The following CLIC5 variants were observed in gnomAD, a reference collection of about 807,000 sequenced individuals.
CLIC5 encodes the protein CLIC family member 5.
A neutral mutation model predicts 24.7 loss-of-function variants in CLIC5; 20 were observed. The observed-to-expected ratio is 0.81, with a 90% CI of 0.57 to 1.18. The LOEUF (loss-of-function observed/expected upper bound fraction) is 1.18, where lower values mean the gene tolerates loss of function less well. CLIC5 is among the 50% of genes most tolerant of loss of function. The pLI, the probability that CLIC5 is intolerant of heterozygous loss-of-function variation, is 0.00. For missense variants in CLIC5, 341 were observed against 326.1 expected (o/e 1.05, Z -0.35); for synonymous variants, 159 against 135.6 (o/e 1.17, Z -1.20).
intron 1 of CLIC5, among the ~76,000 whole-genome samples, chr6:45,962,264 C>T (rs1764871553): frequency 6.6e-6 from 1 of 151,462 alleles, no homozygotes; most frequent in South Asian, 2.1e-4. Context: ...GGAACTGGCT[C>T]ACACAGTTGT....
At chr6:46,010,029 C>A (rs373978980) in intron 1 of CLIC5, among the ~76,000 whole-genome samples, 43 of 152,190 alleles carry the variant, frequency 2.8e-4, no homozygotes, top group African/African-American at 9.4e-4. Context: ...CTTCAGTTGC[C>A]ATTGGTCTGC....
chr6:46,122,462 C>A, the CLIC5 span, among the ~76,000 whole-genome samples: 1 of 152,048 alleles, frequency 6.6e-6, no homozygotes, highest in African/African-American at 2.4e-5. Context: ...GCACTAAATG[C>A]CCACAACAGA....
intron 5 of CLIC5, among the ~76,000 whole-genome samples, chr6:45,903,938 T>C (rs926286551): frequency 4.6e-5 from 7 of 152,212 alleles, no homozygotes; most frequent in Admixed American, 1.3e-4. Flanking sequence ...GGAATGTATA[T>C]GTAGGTTTAG....
chr6:46,086,091 G>A, the CLIC5 span, among the ~76,000 whole-genome samples: 4 of 152,202 alleles, frequency 2.6e-5, no homozygotes, highest in African/African-American at 7.2e-5. Flanking sequence ...TTTTAAGCCC[G>A]TTGGAAAAGC....
At chr6:46,086,393 C>G in the CLIC5 span, among the ~76,000 whole-genome samples, 7 of 152,294 alleles carry the variant, frequency 4.6e-5, no homozygotes, top group East Asian at 1.2e-3. Flanking sequence ...CTTGGCTGCC[C>G]TTCGTGAATG....
At chr6:45,995,203 C>A (rs922551446) in intron 1 of CLIC5, among the ~76,000 whole-genome samples, 2 of 152,130 alleles carry the variant, frequency 1.3e-5, no homozygotes, top group African/African-American at 4.8e-5. Context: ...ACCATTAGTG[C>A]CTCAGTTTCC....
intron 1 of CLIC5, among the ~76,000 whole-genome samples, chr6:46,073,628 C>T (rs908556866): frequency 6.6e-6 from 1 of 152,210 alleles, no homozygotes; most frequent in African/African-American, 2.4e-5. Flanking sequence ...CTCCTCAGAA[C>T]ATTCTATTAC....
At position 45,901,431 on chromosome 6, in the gene CLIC5, G is replaced by A. The variant is rs563759944; in HGVS notation, c.*1657C>T. ...CTTCAGAGATCCCTGGAGGCAGGTA[G>A]GTCCAGGGATTGCTTGGGTTAGAAT... On this transcript the variant is annotated 3_prime_UTR_variant, in exon 6 of 6. Transcript: ENST00000339561. The A allele has an allele frequency of 4.8e-4, 73 of 152,262 alleles. No individual in the cohort carries two copies. Among genetic ancestry groups the A allele is most frequent in the Admixed American group, 4.2e-3 (65 of 15,300 alleles). The allele number at this position is 152,262 out of a possible 1,614,324, so 9.4% of individuals were successfully genotyped here. A position where few individuals can be genotyped will look rare whatever the true frequency, so the allele number is the denominator to read the frequency against.
chr6:45,947,793 C>T (rs1330448725), intron 3 of CLIC5, among the ~76,000 whole-genome samples: 1 of 152,006 alleles, frequency 6.6e-6, no homozygotes, highest in African/African-American at 2.4e-5. Flanking sequence ...TGGCTGGTGT[C>T]CTCTTCAGAG....
the CLIC5 span, among the ~76,000 whole-genome samples, chr6:46,091,392 C>T: frequency 2.0e-5 from 3 of 152,132 alleles, no homozygotes; most frequent in Non-Finnish European, 4.4e-5. Context: ...AACATAATGT[C>T]CTCCAGTTTC....
chr6:45,987,077 A>G (rs1194511631), intron 1 of CLIC5, among the ~76,000 whole-genome samples: 1 of 152,196 alleles, frequency 6.6e-6, no homozygotes, highest in African/African-American at 2.4e-5. Context: ...AGCCACTGGA[A>G]GATGCTGAGA....
At chr6:45,972,936 C>T (rs946749286) in intron 1 of CLIC5, among the ~76,000 whole-genome samples, 1 of 152,028 alleles carries the variant, frequency 6.6e-6, no homozygotes, top group African/African-American at 2.4e-5. Flanking sequence ...GTAATCTGGC[C>T]CTACTGGGTT....
At chr6:45,924,553 T>C (rs1242636047) in intron 4 of CLIC5, among the ~76,000 whole-genome samples, 1 of 152,198 alleles carries the variant, frequency 6.6e-6, no homozygotes, top group Non-Finnish European at 1.5e-5. Context: ...TTTATACTTC[T>C]GTTTCCTGAA....
chr6:45,888,811 T>C (rs577838299), intron 6 of CLIC5, among the ~76,000 whole-genome samples: 12 of 152,346 alleles, frequency 7.9e-5, no homozygotes, highest in African/African-American at 2.9e-4. Context: ...GATGAATTAT[T>C]ATATATTTGC....
intron 4 of CLIC5, among the ~76,000 whole-genome samples, chr6:45,933,486 G>T (rs1013154933): frequency 4.6e-5 from 7 of 152,236 alleles, no homozygotes; most frequent in African/African-American, 1.4e-4. Context: ...CTGATGAAGG[G>T]CAATGCAATC....
chr6:46,078,130 C>A (rs538273378), intron 1 of CLIC5, among the ~76,000 whole-genome samples: 1 of 152,184 alleles, frequency 6.6e-6, no homozygotes, highest in African/African-American at 2.4e-5. Flanking sequence ...GAGGTTGAGG[C>A]GGGTGGATCA....
At chr6:46,005,984 ATATATATATATATATT>A (rs1463342442) in intron 1 of CLIC5, among the ~76,000 whole-genome samples, 3 of 121,882 alleles carry the variant, frequency 2.5e-5, no homozygotes, top group Non-Finnish European at 3.4e-5. Context: ...ATGTGTGTAT[ATATATATATATATATT>A]TATATATATA....
intron 4 of CLIC5, among the ~76,000 whole-genome samples, chr6:45,919,369 A>C (rs942629477): frequency 1.3e-5 from 2 of 152,132 alleles, no homozygotes; most frequent in African/African-American, 4.8e-5. Flanking sequence ...CTTCCAGAGT[A>C]ACCATGGGGA....
chr6:46,101,085 T>C, the CLIC5 span, among the ~76,000 whole-genome samples: 4 of 152,198 alleles, frequency 2.6e-5, no homozygotes, highest in Non-Finnish European at 5.9e-5. Context: ...TCAGTACTCA[T>C]TTGACCTGGG....
Sources: gnomAD v4.1 joint callset for allele counts (sites outside exome capture counted in the v4.1 genomes callset) on GRCh38, gnomAD v4.1.1 for gene constraint, MANE v1.5 for transcripts, NCBI Gene and HGNC (gene_info 2026-07-23, HGNC 2026-07-21) for gene names.